Variants in DPP6 observed in about 807,000 individuals in gnomAD.
The protein encoded by DPP6 is dipeptidyl peptidase like 6.
DPP6 carries 69 observed loss-of-function variants against 122.6 expected under a neutral mutation model. That is an observed-to-expected ratio of 0.56 (90% CI 0.46 to 0.69). The LOEUF (loss-of-function observed/expected upper bound fraction) is 0.69, where lower values mean the gene tolerates loss of function less well. Among genes scored for constraint, DPP6 ranks in the 30% least tolerant of loss-of-function variants. The pLI, the probability that DPP6 is intolerant of heterozygous loss-of-function variation, is 0.00. For synonymous variants in DPP6, 418 were observed against 433.1 expected, an observed-to-expected ratio of 0.97 and a Z score of 0.43; for missense variants, 928 against 1,116.9, an observed-to-expected ratio of 0.83 and a Z score of 2.41.
intron 1 of DPP6, among the ~76,000 whole-genome samples, chr7:154,161,411 C>T (rs1177577161): frequency 1.3e-4 from 20 of 152,058 alleles, no homozygotes; most frequent in South Asian, 2.1e-4. Context: ...GTGGGAGAAT[C>T]GCTTGAACCC....
intron 7 of DPP6, among the ~76,000 whole-genome samples, chr7:154,717,909 A>G (rs1394937987): frequency 1.3e-5 from 2 of 152,134 alleles, no homozygotes; most frequent in African/African-American, 2.4e-5. Context: ...CCTCACCAGC[A>G]TTTGTTAATT....
At chr7:154,816,240 C>A (rs1447122929) in intron 16 of DPP6, among the ~76,000 whole-genome samples, 1 of 152,172 alleles carries the variant, frequency 6.6e-6, no homozygotes, top group East Asian at 1.9e-4. Context: ...CTAGAGTCAA[C>A]TATGCTCTGA....
chr7:154,299,468 C>G (rs1805759515), intron 1 of DPP6, among the ~76,000 whole-genome samples: 1 of 152,212 alleles, frequency 6.6e-6, no homozygotes, highest in Admixed American at 6.5e-5. Context: ...ACAGTTCCAT[C>G]CCAACTTGGT....
At chr7:154,136,364 A>G (rs978839008) in intron 1 of DPP6, among the ~76,000 whole-genome samples, 8 of 152,092 alleles carry the variant, frequency 5.3e-5, no homozygotes, top group Non-Finnish European at 1.2e-4. Flanking sequence ...GAAAGGATGT[A>G]TTACAGTTGG....
At chr7:154,748,045 C>T (rs749750074) in intron 8 of DPP6, among the ~76,000 whole-genome samples, 3 of 152,152 alleles carry the variant, frequency 2.0e-5, no homozygotes, top group Non-Finnish European at 4.4e-5. Flanking sequence ...GGTTTGCTTA[C>T]GTAATGGGTC....
chr7:154,231,905 T>C (rs1202283206), intron 1 of DPP6, among the ~76,000 whole-genome samples: 1 of 152,224 alleles, frequency 6.6e-6, no homozygotes, highest in East Asian at 1.9e-4. Context: ...TCCTTGGAGA[T>C]GGCCATTCTA....
rs760541293 is a variant in DPP6, at chr7:154,772,839, C to T, written c.1039-6C>T. 2 of 1,610,762 alleles carry T rather than the reference C, an allele frequency of 1.2e-6. No individual in the cohort carries two copies. Among genetic ancestry groups the T allele is most frequent in the South Asian group, 2.2e-5 (2 of 90,016 alleles). ...GTTCATGTCTCTGCCCCTTTTTAAT[C>T]CCCAGGCTGGAAGTGAGAACCCCAG... On this transcript the variant is annotated splice_polypyrimidine_tract_variant and splice_region_variant and intron_variant, in intron 9 of 25. Transcript: ENST00000377770.
intron 3 of DPP6, among the ~76,000 whole-genome samples, chr7:154,497,834 C>G (rs1308105786): frequency 6.6e-6 from 1 of 152,024 alleles, no homozygotes; most frequent in Non-Finnish European, 1.5e-5. Context: ...ATCAGGCATG[C>G]TTTTTTTCTT....
chr7:154,398,028 C>T (rs913931164), intron 1 of DPP6, among the ~76,000 whole-genome samples: 1 of 152,056 alleles, frequency 6.6e-6, no homozygotes, highest in Non-Finnish European at 1.5e-5. Context: ...ACTGTGATGC[C>T]GTAAAATATG....
intron 8 of DPP6, among the ~76,000 whole-genome samples, chr7:154,761,694 C>CT (rs35619540): frequency 1.5e-4 from 22 of 149,878 alleles, no homozygotes; most frequent in African/African-American, 4.2e-4. Flanking sequence ...AGGCACCACA[C>CT]TTTTTTTTTT....
Position 154,833,991 on chromosome 7 carries a change from A to T in DPP6, c.1667-19789A>T, listed in dbSNP as rs1282007001. 6.6e-6 allele frequency among the ~76,000 whole-genome samples: 1 copy of T among 152,064 alleles called. No individual in the cohort carries two copies. Among genetic ancestry groups the T allele is most frequent in the African/African-American group, 2.4e-5 (1 of 41,396 alleles). ...GAATAAGGACGCCTGTCCTCTGAGT[A>T]CTCACTGCCCAGTGAGGTCATCAGC... On this transcript the variant is annotated intron_variant, in intron 16 of 25. Coordinates refer to ENST00000377770, the MANE Select transcript of DPP6 (RefSeq NM_130797.4). This position sits in a 1 kb window ranked among gnomAD's most constrained non-coding sequence, Gnocchi z 4.3.
At chr7:154,337,940 C>T (rs1451105863) in intron 1 of DPP6, among the ~76,000 whole-genome samples, 1 of 152,212 alleles carries the variant, frequency 6.6e-6, no homozygotes, top group African/African-American at 2.4e-5. Flanking sequence ...GTTCAGCTCT[C>T]GGCCCGTGTG....
At chr7:153,977,822 C>T (rs1796385686) in intron 1 of DPP6, among the ~76,000 whole-genome samples, 1 of 151,870 alleles carries the variant, frequency 6.6e-6, no homozygotes, top group African/African-American at 2.4e-5. Flanking sequence ...TTTTCTGTTC[C>T]TGTTTGTTTG....
chr7:154,758,255 G>A (rs1359168397), intron 8 of DPP6, among the ~76,000 whole-genome samples: 3 of 152,194 alleles, frequency 2.0e-5, no homozygotes, highest in Non-Finnish European at 2.9e-5. Flanking sequence ...GAAACAGGCC[G>A]TGGAGCTGCC....
the DPP6 span, among the ~76,000 whole-genome samples, chr7:153,863,093 G>A: frequency 0.011 from 1,746 of 152,098 alleles, 25 homozygotes; most frequent in African/African-American, 0.04. Flanking sequence ...CTTGCTAACC[G>A]ATCTTTTGAC....
intron 6 of DPP6, among the ~76,000 whole-genome samples, chr7:154,641,019 A>T (rs977290338): frequency 1.2e-4 from 19 of 152,036 alleles, no homozygotes; most frequent in African/African-American, 4.3e-4. Context: ...TAATGTTCTC[A>T]TGCCCTCTGA....
At position 154,116,734 on chromosome 7, in the gene DPP6, C is replaced by G. The variant is rs549481513; in HGVS notation, c.243+63671C>G. 1.0e-3 allele frequency among the ~76,000 whole-genome samples: 157 copies of G among 152,186 alleles called. 1 individual carries two copies. The highest frequency in any genetic ancestry group is 3.7e-3 in the African/African-American group (152 of 41,532). ...TTCTTTGCTTAGTTTTTAATCAAGC[C>G]AAATGTTTGTTTAATCAGATACCTC... On this transcript the variant is annotated intron_variant, in intron 1 of 25. Coordinates refer to ENST00000377770, the MANE Select transcript of DPP6 (RefSeq NM_130797.4).
chr7:154,867,843 T>C (rs560306481), intron 17 of DPP6, among the ~76,000 whole-genome samples, 152 bp from the exon 18 acceptor site: 1 of 152,172 alleles, frequency 6.6e-6, no homozygotes, highest in Non-Finnish European at 1.5e-5. Context: ...TGTTTTTTAA[T>C]GCCCAGTTTC....
intron 16 of DPP6, among the ~76,000 whole-genome samples, chr7:154,826,127 C>A (rs568932227): frequency 6.6e-6 from 1 of 152,314 alleles, no homozygotes; most frequent in South Asian, 2.1e-4. Flanking sequence ...TGAGCAGTTC[C>A]AATCCTGCAC....
Sources: allele counts gnomAD v4.1 joint callset (sites outside exome capture counted in the v4.1 genomes callset), GRCh38; gene constraint gnomAD v4.1.1; non-coding constraint Gnocchi (gnomAD v3.1); transcripts MANE v1.5; gene names NCBI Gene and HGNC (gene_info 2026-07-23, HGNC 2026-07-21).